PHYKPL: variants seen among roughly 807,000 people sequenced by gnomAD.
PHYKPL encodes the protein 5-phosphonooxy-L-lysine phospho-lyase.
A neutral mutation model predicts 51.3 loss-of-function variants in PHYKPL; 42 were observed. That is an observed-to-expected ratio of 0.82 (90% CI 0.64 to 1.06). The LOEUF (loss-of-function observed/expected upper bound fraction) is 1.06, where lower values mean the gene tolerates loss of function less well. Among genes scored for constraint, PHYKPL ranks in the 50% least tolerant of loss-of-function variants. The probability of loss-of-function intolerance (pLI) is 0.00; values close to 1 mark genes in which losing one functional copy is unlikely to be tolerated. For synonymous variants in PHYKPL, 264 were observed against 236.0 expected, an observed-to-expected ratio of 1.12 and a Z score of -1.09; for missense variants, 655 against 586.6, an observed-to-expected ratio of 1.12 and a Z score of -1.20.
chr5:178,217,768 G>GA (rs1760148028), intron 8 of PHYKPL, among the ~76,000 whole-genome samples: 1 of 150,894 alleles, frequency 6.6e-6, no homozygotes, highest in Admixed American at 6.6e-5. Context: ...TGAGGCAGGA[G>GA]AATGGCGTGA....
downstream of PHYKPL, chr5:178,207,348 T>C (rs1339158735): frequency 2.1e-5 from 24 of 1,136,018 alleles, no homozygotes; most frequent in Admixed American, 6.9e-5. Flanking sequence ...ACTATTTCTC[T>C]GAAGCGTATG....
intron 8 of PHYKPL, among the ~76,000 whole-genome samples, chr5:178,222,035 T>C (rs1761264415): frequency 1.3e-5 from 2 of 152,190 alleles, no homozygotes; most frequent in African/African-American, 2.4e-5. Context: ...TCACAACTCT[T>C]AACCAGCTCA....
Position 178,215,330 on chromosome 5 carries a change from AGGAAGC to A in PHYKPL, c.1022_1027del (p.Ser341_Leu343delinsMet). On this transcript the variant is annotated inframe_deletion, in exon 9 of 13. Coordinates refer to ENST00000308158, the MANE Select transcript of PHYKPL (RefSeq NM_153373.4). ...TTTTTGCTGCCCGAGGAGCTGCATCAGGAAGCTGCCTACACTGGTGGCATGATCCTG... is the reference window on the plus strand; with the variant it reads ...TTTTTGCTGCCCGAGGAGCTGCATCATGCCTACACTGGTGGCATGATCCTG... 2 of 1,614,082 alleles carry A rather than the reference AGGAAGC, an allele frequency of 1.2e-6. No individual in the cohort carries two copies. Among genetic ancestry groups the A allele is most frequent in the African/African-American group, 2.7e-5 (2 of 75,036 alleles).
rs78625692 is a variant in PHYKPL at position 178,222,325 on chromosome 5, T to C, written c.927+30A>G. 1.2e-3 allele frequency: 1,926 copies of C among 1,583,508 alleles called. 19 individuals are homozygous for C. The African/African-American group carries it at 0.023, about 19-fold the overall frequency. On this transcript the variant is annotated intron_variant, in intron 8 of 12. Coordinates refer to ENST00000308158, the MANE Select transcript of PHYKPL (RefSeq NM_153373.4). ...CACCGGGGGCCTATCAGAACCCATG[T>C]TGCTCCCTTGACTTAGAGCCATCAC... is the stretch of plus-strand genomic sequence containing the variant.
intron 12 of PHYKPL, chr5:178,210,386 C>T (rs922154375): frequency 6.4e-7 from 1 of 1,573,352 alleles, no homozygotes; most frequent in Non-Finnish European, 8.6e-7. Flanking sequence ...CTGGCTCAGC[C>T]ATGGGAGCTA....
chr5:178,231,594 C>A, intron 1 of PHYKPL, 71 bp from the exon 2 acceptor site: 2 of 1,609,014 alleles, frequency 1.2e-6, no homozygotes, highest in Non-Finnish European at 1.7e-6. Flanking sequence ...CATCGCAGAC[C>A]CCCGCCCACC....
intron 12 of PHYKPL, chr5:178,210,175 CCAGGGCTACGGCTACCAG>C (rs754641334): frequency 1.5e-5 from 25 of 1,613,658 alleles, no homozygotes; most frequent in East Asian, 2.2e-5. Flanking sequence ...ACTACTGGAA[CCAGGGCTACGGCTACCAG>C]CAGGGCTACG....
At chr5:178,213,472 T>C (rs1377508521) in intron 10 of PHYKPL, among the ~76,000 whole-genome samples, 2 of 152,048 alleles carry the variant, frequency 1.3e-5, no homozygotes, top group Non-Finnish European at 2.9e-5. Context: ...ATATAGAGAA[T>C]GTCCAACATT....
rs763183253 is a variant in PHYKPL at position 178,211,952 on chromosome 5, C to A, written c.1322G>T (p.Arg441Ile). 2 of 1,614,208 alleles carry A rather than the reference C, an allele frequency of 1.2e-6. No homozygotes were observed. The highest frequency in any genetic ancestry group is 2.2e-5 in the South Asian group (2 of 91,080). Residue 441 changes from arginine (R) to isoleucine (I), a missense_variant, in exon 12 of 13, where the codon AGA becomes ATA. By Grantham distance (97) the Arg-to-Ile change is moderately conservative (BLOSUM62 -3). Coordinates refer to ENST00000308158, the MANE Select transcript of PHYKPL (RefSeq NM_153373.4). Reference sequence around the variant, plus strand: ...CTGGAGCCTCAGCGTTTCACAACTTCTCACCTTCTCTTCCATGTCTGAAAA... The same window carrying A: ...CTGGAGCCTCAGCGTTTCACAACTTATCACCTTCTCTTCCATGTCTGAAAA... ...AILTDMEEKV[R>I]SCETLRLQP
Position 178,232,558 on chromosome 5 carries a change from G to T in PHYKPL, c.-8C>A. Reference sequence around the variant, plus strand: ...GCGCTGGTCTGCGGCCATGGTGGGTGGCCGTCAGTCGGTGCCGTGACGCCA... The same window carrying T: ...GCGCTGGTCTGCGGCCATGGTGGGTTGCCGTCAGTCGGTGCCGTGACGCCA... On this transcript the variant is annotated 5_prime_UTR_variant, in exon 1 of 13. Coordinates refer to ENST00000308158, the MANE Select transcript of PHYKPL (RefSeq NM_153373.4). 7.8e-7 allele frequency: 1 copy of T among 1,284,606 alleles called. No homozygotes were observed. Among genetic ancestry groups the T allele is most frequent in the African/African-American group, 1.5e-5 (1 of 64,786 alleles). The allele number at this position is 1,284,606 out of a possible 1,614,324, so 79.6% of individuals were successfully genotyped here.
At chr5:178,211,833 G>A (rs908888633) in intron 12 of PHYKPL, 57 bp downstream of exon 12, 3 of 1,293,830 alleles carry the variant, frequency 2.3e-6, no homozygotes, top group Non-Finnish European at 3.3e-6. Flanking sequence ...GCTGCTTGCT[G>A]CTGATGGTAA....
chr5:178,223,809 T>C (rs1341536177), intron 6 of PHYKPL: 1 of 269,998 alleles, frequency 3.7e-6, no homozygotes, highest in Non-Finnish European at 7.4e-6. Context: ...CACCTCTCTC[T>C]CCTATGTCTG....
Position 178,231,446 on chromosome 5 carries a change from T to TG in PHYKPL, c.136dup (p.Gln46ProfsTer28). On this transcript the variant is annotated frameshift_variant, in exon 2 of 13. Transcript: ENST00000308158. LOFTEE classifies it high-confidence loss of function. ...GATGCAATCGATGTATTCTGCCCCC[T>TG]GTTCATCGTACATGTACTGCCCTTG... 6.2e-7 allele frequency: 1 copy of TG among 1,614,162 alleles called. No individual in the cohort carries two copies. The highest frequency in any genetic ancestry group is 2.2e-5 in the East Asian group (1 of 44,880).
rs773052260 is a variant in PHYKPL, at chr5:178,224,433, C to T, written c.618+15G>A. The T allele has an allele frequency of 6.4e-6, 10 of 1,557,688 alleles. No homozygotes were observed. The highest frequency in any genetic ancestry group is 3.4e-4 in the Middle Eastern group (2 of 5,806). Reference sequence around the variant, plus strand: ...TTCACTGTTGGCTGGATTGGACAGGCGCGGACACGGTTACCTTCCTGCCCT... The same window carrying T: ...TTCACTGTTGGCTGGATTGGACAGGTGCGGACACGGTTACCTTCCTGCCCT... On this transcript the variant is annotated intron_variant, in intron 6 of 12. Coordinates refer to ENST00000308158, the MANE Select transcript of PHYKPL (RefSeq NM_153373.4).
At chr5:178,228,260 G>C in intron 3 of PHYKPL, 1 of 458,530 alleles carries the variant, frequency 2.2e-6, no homozygotes. Flanking sequence ...GGAGGAATCA[G>C]CAAAGAAGAC....
intron 1 of PHYKPL, 135 bp downstream of exon 1, chr5:178,232,357 A>G: frequency 4.7e-6 from 6 of 1,286,802 alleles, no homozygotes; most frequent in Non-Finnish European, 4.9e-6. Context: ...GGGCCGGGGC[A>G]GCGGCCGGAC....
At chr5:178,224,346 C>G (rs1020903350) in intron 6 of PHYKPL, 102 bp downstream of exon 6, 6 of 1,248,206 alleles carry the variant, frequency 4.8e-6, no homozygotes, top group Non-Finnish European at 6.6e-6. Flanking sequence ...GGCAGGGCCT[C>G]GTTTGGTTTT....
chr5:178,230,207 G>A lies in PHYKPL; in HGVS notation c.179-108C>T, dbSNP rs1371948400. On this transcript the variant is annotated intron_variant, in intron 2 of 12. Transcript: ENST00000308158. ...CAGCCAGAAGAGATGTAGTTCTAGA[G>A]GGAGAGGTAGAAAGAGGGCAGTCTG... 6 of 1,419,898 alleles carry A rather than the reference G, an allele frequency of 4.2e-6. 1 individual carries two copies. The South Asian group carries it at 5.0e-5, about 12-fold the overall frequency. The allele number at this position is 1,419,898 out of a possible 1,614,324, so 88.0% of individuals were successfully genotyped here. A position where few individuals can be genotyped will look rare whatever the true frequency, so the allele number is the denominator to read the frequency against.
At position 178,224,459 on chromosome 5, in the gene PHYKPL, TCTC is replaced by T. The variant is rs779177965; in HGVS notation, c.604_606del (p.Glu202del). 2.3e-5 allele frequency: 37 copies of T among 1,584,610 alleles called. No individual in the cohort carries two copies. In the East Asian group the frequency reaches 2.7e-4, roughly 12 times the overall value. On this transcript the variant is annotated inframe_deletion, in exon 6 of 13. Transcript: ENST00000308158. Reference sequence around the variant, plus strand: ...GCGGACACGGTTACCTTCCTGCCCTTCTCCTGTGCACTGCTGACCACACGTTTC... The same window carrying T: ...GCGGACACGGTTACCTTCCTGCCCTTCTGTGCACTGCTGACCACACGTTTC...
Sources: allele counts gnomAD v4.1 joint callset (sites outside exome capture counted in the v4.1 genomes callset), GRCh38; gene constraint gnomAD v4.1.1; transcripts MANE v1.5; gene names NCBI Gene and HGNC (gene_info 2026-07-23, HGNC 2026-07-21).